ATG5: variants seen among roughly 807,000 people sequenced by gnomAD.
ATG5 encodes autophagy related 5, also known as autophagy protein 5.
ATG5 carries 14 observed loss-of-function variants against 36.5 expected under a neutral mutation model. That is an observed-to-expected ratio of 0.38 (90% CI 0.25 to 0.60). The LOEUF (loss-of-function observed/expected upper bound fraction) is 0.60. Ranked by LOEUF, ATG5 falls within the 20% of genes least tolerant of loss-of-function variation. ATG5 has a pLI of 0.60. For synonymous variants in ATG5, 95 were observed against 101.5 expected (o/e 0.94, Z 0.38); for missense variants, 195 against 326.7 (o/e 0.60, Z 3.11).
At position 106,312,235 on chromosome 6, in the gene ATG5, T is replaced by C. The variant is rs78110492; in HGVS notation, c.109-3744A>G. Among the ~76,000 whole-genome samples, 6 of 152,292 alleles carry C rather than the reference T, an allele frequency of 3.9e-5. No homozygotes were observed. The East Asian group carries it at 1.2e-3, about 29-fold the overall frequency. ...GAGGTCTCTGGAGTAAGTTACCGAC[T>C]ATCTGGGATAAGAGAGAAGGAAGGA... is the stretch of plus-strand genomic sequence containing the variant. On this transcript the variant is annotated intron_variant, in intron 2 of 7. Coordinates refer to ENST00000369076, the MANE Select transcript of ATG5 (RefSeq NM_004849.4).
At chr6:106,268,690 G>A (rs1479231852) in intron 5 of ATG5, among the ~76,000 whole-genome samples, 5 of 152,058 alleles carry the variant, frequency 3.3e-5, no homozygotes, top group South Asian at 4.2e-4. Flanking sequence ...GGAATACTAC[G>A]CAGCCATAAA....
At chr6:106,295,935 T>A (rs193296435) in intron 3 of ATG5, among the ~76,000 whole-genome samples, 15 of 152,304 alleles carry the variant, frequency 9.8e-5, no homozygotes, top group Non-Finnish European at 1.3e-4. Flanking sequence ...AAATTATTTT[T>A]TTAACCCTCA....
chr6:106,272,575 A>G (rs1779492906), intron 5 of ATG5, among the ~76,000 whole-genome samples: 1 of 152,170 alleles, frequency 6.6e-6, no homozygotes, highest in Non-Finnish European at 1.5e-5. Flanking sequence ...TCCTTCCTCT[A>G]CAACTCCAGT....
chr6:106,262,871 T>C (rs1406685026), intron 5 of ATG5, among the ~76,000 whole-genome samples: 3 of 152,230 alleles, frequency 2.0e-5, no homozygotes, highest in Non-Finnish European at 4.4e-5. Context: ...TTCCCTCATG[T>C]AGCCTACACC....
intron 5 of ATG5, 125 bp downstream of exon 5, chr6:106,279,536 C>T: frequency 1.2e-6 from 1 of 818,912 alleles, no homozygotes; most frequent in Non-Finnish European, 1.7e-6. Flanking sequence ...CTGTGCAAAT[C>T]TGGGCACAGA....
intron 7 of ATG5, among the ~76,000 whole-genome samples, chr6:106,191,685 T>C (rs1441469700): frequency 6.6e-6 from 1 of 151,984 alleles, no homozygotes; most frequent in African/African-American, 2.4e-5. Context: ...ATAACACGAG[T>C]GACTCTTCTC....
intron 4 of ATG5, among the ~76,000 whole-genome samples, 182 bp from the exon 5 acceptor site, chr6:106,280,005 C>T (rs532800152): frequency 1.8e-4 from 27 of 152,022 alleles, no homozygotes; most frequent in South Asian, 4.1e-4. Context: ...CCATTTTGTA[C>T]TTTTCCCAAA....
chr6:106,190,304 TG>T (rs1462581221), intron 7 of ATG5, among the ~76,000 whole-genome samples: 1 of 152,156 alleles, frequency 6.6e-6, no homozygotes, highest in African/African-American at 2.4e-5. Flanking sequence ...TGGAAGAACG[TG>T]GAAGTGTGAG....
chr6:106,226,679 T>C (rs914277118), intron 6 of ATG5, among the ~76,000 whole-genome samples: 14 of 152,226 alleles, frequency 9.2e-5, no homozygotes, highest in African/African-American at 2.9e-4. Context: ...ATATTCTCTT[T>C]ATATCAGCTC....
intron 3 of ATG5, among the ~76,000 whole-genome samples, chr6:106,307,897 T>C (rs535458769): frequency 2.6e-5 from 4 of 152,338 alleles, no homozygotes; most frequent in Admixed American, 2.0e-4. Context: ...GAAATCAATA[T>C]ATTTTAAATA....
chr6:106,229,875 T>G (rs577595256), intron 6 of ATG5, among the ~76,000 whole-genome samples: 2 of 152,366 alleles, frequency 1.3e-5, no homozygotes, highest in South Asian at 4.1e-4. Context: ...CGGTTCAGAA[T>G]TATTCTAAGT....
Position 106,211,566 on chromosome 6 carries a change from C to T in ATG5, c.574-9477G>A, listed in dbSNP as rs142598786. ...TCTACTAAAAATAAAAAAAATTAGC[C>T]GGGAGTGGTGGCGTGCATCTGTAGT... is the stretch of plus-strand genomic sequence containing the variant. On this transcript the variant is annotated intron_variant, in intron 6 of 7. Coordinates refer to ENST00000369076, the MANE Select transcript of ATG5 (RefSeq NM_004849.4). 3.7e-3 allele frequency among the ~76,000 whole-genome samples: 560 copies of T among 152,172 alleles called. 3 individuals carry two copies. The highest frequency in any genetic ancestry group is 0.013 in the African/African-American group (526 of 41,536).
intron 6 of ATG5, among the ~76,000 whole-genome samples, chr6:106,239,457 A>G (rs1778025962): frequency 6.6e-6 from 1 of 152,222 alleles, no homozygotes; most frequent in Non-Finnish European, 1.5e-5. Context: ...CAGACAGGAC[A>G]CTATGGGGAA....
chr6:106,284,604 C>T (rs566758803), intron 4 of ATG5, among the ~76,000 whole-genome samples: 1 of 152,258 alleles, frequency 6.6e-6, no homozygotes, highest in African/African-American at 2.4e-5. Context: ...ATACAACTGC[C>T]TCATCCCCAC....
chr6:106,279,888 G>A (rs569394840), intron 4 of ATG5, 65 bp from the exon 5 acceptor site: 190 of 1,094,244 alleles, frequency 1.7e-4, no homozygotes, highest in Non-Finnish European at 2.2e-4. Context: ...CCTCTTAAAA[G>A]AGAACTATAT....
intron 6 of ATG5, among the ~76,000 whole-genome samples, chr6:106,239,497 A>G (rs916967328): frequency 6.6e-6 from 1 of 152,230 alleles, no homozygotes; most frequent in Non-Finnish European, 1.5e-5. Flanking sequence ...AGTCATGGAA[A>G]ATTAATAACT....
intron 5 of ATG5, among the ~76,000 whole-genome samples, chr6:106,276,476 A>AG (rs1445146685): frequency 6.6e-6 from 1 of 151,846 alleles, no homozygotes; most frequent in Non-Finnish European, 1.5e-5. Flanking sequence ...AAAAAAAAAA[A>AG]AAAAGAAACT....
chr6:106,290,702 T>A (rs1242503212), intron 4 of ATG5, among the ~76,000 whole-genome samples: 1 of 152,192 alleles, frequency 6.6e-6, no homozygotes, highest in African/African-American at 2.4e-5. Context: ...TATTCTAATG[T>A]TGCACTTTGA....
intron 7 of ATG5, among the ~76,000 whole-genome samples, chr6:106,197,012 T>TA (rs1776221564): frequency 6.6e-6 from 1 of 152,220 alleles, no homozygotes; most frequent in African/African-American, 2.4e-5. Flanking sequence ...CCCCCACTTA[T>TA]ATAAACTTGG....
Sources: gnomAD v4.1 joint callset for allele counts (sites outside exome capture counted in the v4.1 genomes callset) on GRCh38, gnomAD v4.1.1 for gene constraint, MANE v1.5 for transcripts, NCBI Gene and HGNC (gene_info 2026-07-23, HGNC 2026-07-21) for gene names.